CELF2: variants seen among roughly 807,000 people sequenced by gnomAD.
CELF2 encodes CUGBP Elav-like family member 2.
Under a neutral mutation model 62.6 loss-of-function variants are expected in CELF2, and 8 were observed. The ratio of observed to expected loss-of-function variants is 0.13; its 90% CI spans 0.07 to 0.23. CELF2 has a LOEUF of 0.23. Among genes scored for constraint, CELF2 ranks in the 10% least tolerant of loss-of-function variants. CELF2 has a pLI of 1.00. For missense variants in CELF2, 333 were observed against 671.0 expected (o/e 0.50, Z 5.56); for synonymous variants, 258 against 250.0 (o/e 1.03, Z -0.30).
chr10:10,934,754 G>A lies in CELF2; in HGVS notation c.89+14755G>A, dbSNP rs1432759181. 2.6e-5 allele frequency: 4 copies of A among 152,168 alleles called. No individual in the cohort carries two copies. Among genetic ancestry groups the A allele is most frequent in the Non-Finnish European group, 5.9e-5 (4 of 68,026 alleles). The allele number at this position is 152,168 out of a possible 1,614,324, so 9.4% of individuals were successfully genotyped here. Reference sequence around the variant, plus strand: ...AGGGGCAGTTCTGGATGTAGAACTTGATGTTTGAGCATTTAGTAAGAAAGC... The same window carrying A: ...AGGGGCAGTTCTGGATGTAGAACTTAATGTTTGAGCATTTAGTAAGAAAGC... On this transcript the variant is annotated intron_variant, in intron 2 of 13. Transcript: ENST00000636488. The surrounding 1 kb of genome is among the most constrained non-coding windows in gnomAD (Gnocchi z 4.4).
In CELF2 at chr10:10,921,250, C is replaced by T. The variant is rs112060427; in HGVS notation, c.89+1251C>T. 2.9e-3 allele frequency among the ~76,000 whole-genome samples: 435 copies of T among 148,166 alleles called. 2 individuals are homozygous for T. The highest frequency in any genetic ancestry group is 0.01 in the African/African-American group (415 of 40,158). On this transcript the variant is annotated intron_variant, in intron 2 of 13. Transcript: ENST00000636488. ...GATTACAGGCATGAACCACTGTGCC[C>T]GGCCAGGTGTTTGTTTTTTGTTTGT... is the stretch of plus-strand genomic sequence containing the variant.
chr10:10,944,425 C>A (rs1000754671), intron 2 of CELF2: 1 of 152,574 alleles, frequency 6.6e-6, no homozygotes, highest in Non-Finnish European at 1.5e-5. Context: ...ACAGAAGCAG[C>A]CTTGGCCTCT....
rs2046425535 is a variant in CELF2, at chr10:10,936,658, C to G, written c.89+16659C>G. ...CCACTACTTTGGTAACTTGTATCCC[C>G]CATCCCTGGGGACAAAATCTTCATT... On this transcript the variant is annotated intron_variant, in intron 2 of 13. Transcript: ENST00000636488. The surrounding 1 kb of genome is among the most constrained non-coding windows in gnomAD (Gnocchi z 4.0). 1 of 152,172 alleles carries G rather than the reference C, an allele frequency of 6.6e-6. No individual in the cohort carries two copies. The highest frequency in any genetic ancestry group is 6.5e-5 in the Admixed American group (1 of 15,278). The allele number at this position is 152,172 out of a possible 1,614,324, so 9.4% of individuals were successfully genotyped here.
rs2071968621 is a variant in CELF2 at position 11,178,274 on chromosome 10, C to A, written c.271+12592C>A. Among the ~76,000 whole-genome samples the A allele has an allele frequency of 6.6e-6, 1 of 152,190 alleles. No individual in the cohort carries two copies. The highest frequency in any genetic ancestry group is 2.1e-4 in the South Asian group (1 of 4,832). ...TCTAATGGGAACTGGACGGTGACCA[C>A]CAGTCCGTTTTACACAGGCCACCAT... is the stretch of plus-strand genomic sequence containing the variant. On this transcript the variant is annotated intron_variant, in intron 2 of 12. Coordinates refer to ENST00000633077, the MANE Select transcript of CELF2 (RefSeq NM_001326342.2). The surrounding 1 kb of genome is among the most constrained non-coding windows in gnomAD (Gnocchi z 4.3).
chr10:10,841,341 G>A (rs1364788846), intron 1 of CELF2, among the ~76,000 whole-genome samples: 8 of 68,298 alleles, frequency 1.2e-4, no homozygotes, highest in Non-Finnish European at 1.8e-4. Context: ...ATTTGATATA[G>A]TATCAAAAAA....
At chr10:11,167,391 G>C (rs1347195274) in intron 2 of CELF2, among the ~76,000 whole-genome samples, 1 of 152,306 alleles carries the variant, frequency 6.6e-6, no homozygotes, top group East Asian at 1.9e-4. Flanking sequence ...ATTCATCCTT[G>C]ACAAGGAAAA....
At position 11,319,808 on chromosome 10, in the gene CELF2, T is replaced by C; in HGVS notation, c.1097-1381T>C. 2.1e-6 allele frequency: 1 copy of C among 471,070 alleles called. No homozygotes were observed. The highest frequency in any genetic ancestry group is 1.5e-5 in the South Asian group (1 of 64,558). The allele number at this position is 471,070 out of a possible 1,614,324, so 29.2% of individuals were successfully genotyped here. ...TCATATCTTACATGTGTCCTTTTAA[T>C]TGAAGAGGCGAAGTTGGCCAAATAG... On this transcript the variant is annotated intron_variant, in intron 10 of 12. Coordinates refer to ENST00000633077, the MANE Select transcript of CELF2 (RefSeq NM_001326342.2). The surrounding 1 kb of genome is among the most constrained non-coding windows in gnomAD (Gnocchi z 4.4).
intron 1 of CELF2, among the ~76,000 whole-genome samples, chr10:11,111,648 A>G (rs1471779689): frequency 1.3e-5 from 2 of 152,170 alleles, no homozygotes; most frequent in Non-Finnish European, 2.9e-5. Context: ...CTTTTCACAT[A>G]GGCAACGTGC....
At chr10:11,053,737 C>G (rs1031135853) in intron 1 of CELF2, among the ~76,000 whole-genome samples, 1 of 151,476 alleles carries the variant, frequency 6.6e-6, no homozygotes, top group African/African-American at 2.4e-5. Context: ...GCCTCAGCCT[C>G]CCGAGTAGCT....
At chr10:10,941,770 G>A (rs1445562299) in intron 2 of CELF2, among the ~76,000 whole-genome samples, 1 of 152,280 alleles carries the variant, frequency 6.6e-6, no homozygotes, top group Admixed American at 6.5e-5. Context: ...GAGGTGGTTG[G>A]ATCATTTGAG....
intron 1 of CELF2, among the ~76,000 whole-genome samples, chr10:10,912,953 C>G (rs2063945210): frequency 6.6e-6 from 1 of 152,132 alleles, no homozygotes; most frequent in African/African-American, 2.4e-5. Flanking sequence ...TGAGGCTTTT[C>G]TAAGGATTAA....
At chr10:11,320,683 C>T (rs925377544) in intron 10 of CELF2, among the ~76,000 whole-genome samples, 3 of 152,194 alleles carry the variant, frequency 2.0e-5, no homozygotes, top group South Asian at 4.1e-4. Flanking sequence ...TTGTCCTCTC[C>T]ACCATTTCCT....
At position 11,297,930 on chromosome 10, in the gene CELF2, C is replaced by T. The variant is rs555975829; in HGVS notation, c.976+9378C>T. Among the ~76,000 whole-genome samples the T allele has an allele frequency of 1.3e-5, 2 of 152,232 alleles. No homozygotes were observed. The highest frequency in any genetic ancestry group is 6.5e-5 in the Admixed American group (1 of 15,290). On this transcript the variant is annotated intron_variant, in intron 9 of 12. Coordinates refer to ENST00000633077, the MANE Select transcript of CELF2 (RefSeq NM_001326342.2). This position sits in a 1 kb window ranked among gnomAD's most constrained non-coding sequence, Gnocchi z 4.4. ...CCAGGAGGCAGAGGTTGCAGTGAGC[C>T]GAGATCACGTCACTGCACTCCAGCC...
At chr10:11,202,933 CTCTCTCTCTCTCTCTCTCTG>C (rs1259205382) in intron 2 of CELF2, among the ~76,000 whole-genome samples, 14 of 85,792 alleles carry the variant, frequency 1.6e-4, no homozygotes, top group Non-Finnish European at 2.6e-4. Flanking sequence ...CTCTCTCTCT[CTCTCTCTCTCTCTCTCTCTG>C]TGTGTGTGTG....
intron 1 of CELF2, among the ~76,000 whole-genome samples, chr10:10,874,137 C>A (rs749127153): frequency 6.6e-6 from 1 of 152,122 alleles, no homozygotes; most frequent in Non-Finnish European, 1.5e-5. Flanking sequence ...CGTAGCAAGA[C>A]CCTGCCTCTC....
the CELF2 span, among the ~76,000 whole-genome samples, chr10:10,738,961 G>C: frequency 6.6e-6 from 1 of 152,110 alleles, no homozygotes; most frequent in African/African-American, 2.4e-5. Context: ...GAGAGACTGG[G>C]CATGGGGTAT....
At chr10:10,683,615 CT>C in the CELF2 span, among the ~76,000 whole-genome samples, 5 of 152,036 alleles carry the variant, frequency 3.3e-5, no homozygotes, top group African/African-American at 9.7e-5. Context: ...TGGAAAATAC[CT>C]TGTTAGGTGA....
chr10:11,032,348 G>A (rs994109474), intron 1 of CELF2, among the ~76,000 whole-genome samples: 1 of 152,000 alleles, frequency 6.6e-6, no homozygotes, highest in Admixed American at 6.6e-5. Flanking sequence ...TGGATGGGGT[G>A]ACTCAGTGCC....
chr10:11,211,571 T>C lies in CELF2; in HGVS notation c.272-5854T>C, dbSNP rs937260531. ...CTGGTTATCTTTATATATCAGTACATTTTTTTTTCCTGTGAGTATTATTAC... is the reference window on the plus strand; with the variant it reads ...CTGGTTATCTTTATATATCAGTACACTTTTTTTTCCTGTGAGTATTATTAC... On this transcript the variant is annotated intron_variant, in intron 2 of 12. Transcript: ENST00000633077. This position sits in a 1 kb window ranked among gnomAD's most constrained non-coding sequence, Gnocchi z 4.8. Among the ~76,000 whole-genome samples, 3 of 151,574 alleles carry C rather than the reference T, an allele frequency of 2.0e-5. No individual in the cohort carries two copies. Among genetic ancestry groups the C allele is most frequent in the African/African-American group, 7.3e-5 (3 of 41,246 alleles).
Sources: allele counts gnomAD v4.1 joint callset (sites outside exome capture counted in the v4.1 genomes callset), GRCh38; gene constraint gnomAD v4.1.1; non-coding constraint Gnocchi (gnomAD v3.1); transcripts MANE v1.5; gene names NCBI Gene and HGNC (gene_info 2026-07-23, HGNC 2026-07-21).